ZNF607: variants seen among roughly 807,000 people sequenced by gnomAD.
ZNF607 encodes zinc finger protein 607.
Under a neutral mutation model 12.8 loss-of-function variants are expected in ZNF607, and 5 were observed. The ratio of observed to expected loss-of-function variants is 0.39; its 90% CI spans 0.20 to 0.82. The LOEUF is 0.82. Ranked by LOEUF, ZNF607 falls within the 40% of genes least tolerant of loss-of-function variation. The pLI, the probability that ZNF607 is intolerant of heterozygous loss-of-function variation, is 0.39. For synonymous variants in ZNF607, 287 were observed against 276.2 expected (o/e 1.04, Z -0.39); for missense variants, 851 against 859.2 (o/e 0.99, Z 0.12).
intron 1 of ZNF607, among the ~76,000 whole-genome samples, chr19:37,714,164 C>CA (rs947851945): frequency 6.1e-4 from 93 of 151,642 alleles, no homozygotes; most frequent in Non-Finnish European, 1.1e-3. Flanking sequence ...ACTAAAAATA[C>CA]AAAAAAAATT....
chr19:37,706,757 C>G (rs1361352708), intron 4 of ZNF607, among the ~76,000 whole-genome samples: 1 of 152,128 alleles, frequency 6.6e-6, no homozygotes, highest in Non-Finnish European at 1.5e-5. Context: ...GTATTGTGAT[C>G]TCAGCTCACT....
intron 3 of ZNF607, 30 bp from the exon 4 acceptor site, chr19:37,708,042 C>A (rs370375302): frequency 1.9e-6 from 3 of 1,561,480 alleles, no homozygotes; most frequent in Admixed American, 1.8e-5. Flanking sequence ...CCACAAAATA[C>A]GGAAATCAAC....
At chr19:37,700,443 C>T (rs1246025629) in intron 4 of ZNF607, among the ~76,000 whole-genome samples, 1 of 152,004 alleles carries the variant, frequency 6.6e-6, no homozygotes, top group Non-Finnish European at 1.5e-5. Flanking sequence ...GTAGGATACA[C>T]GGTCATGCAT....
At chr19:37,710,104 G>A (rs569361488) in intron 2 of ZNF607, among the ~76,000 whole-genome samples, 8 of 151,968 alleles carry the variant, frequency 5.3e-5, no homozygotes, top group African/African-American at 1.9e-4. Flanking sequence ...GCAGTGAGCC[G>A]AGATTGCGCC....
chr19:37,705,559 C>T (rs1212097863), intron 4 of ZNF607, among the ~76,000 whole-genome samples: 2 of 151,624 alleles, frequency 1.3e-5, no homozygotes, highest in Non-Finnish European at 2.9e-5. Context: ...ATGGTGGGCG[C>T]TTATAGTCTC....
At chr19:37,700,013 A>G (rs1031702829) in intron 4 of ZNF607, 118 bp from the exon 5 acceptor site, 37 of 997,420 alleles carry the variant, frequency 3.7e-5, no homozygotes, top group Admixed American at 6.2e-5. Flanking sequence ...TATAAAATAT[A>G]AAAAATGAAA....
At chr19:37,718,168 T>C (rs1460019175) in intron 1 of ZNF607, among the ~76,000 whole-genome samples, 1 of 152,178 alleles carries the variant, frequency 6.6e-6, no homozygotes, top group Non-Finnish European at 1.5e-5. Context: ...TTCAGGGGGT[T>C]TGTGATGTCC....
chr19:37,699,617 A>G lies in ZNF607; in HGVS notation c.514T>C (p.Cys172Arg). The G allele has an allele frequency of 6.2e-7, 1 of 1,614,102 alleles. No individual in the cohort carries two copies. The highest frequency in any genetic ancestry group is 1.1e-5 in the South Asian group (1 of 91,078). Reference sequence around the variant, plus strand: ...CTGAAGACCTTCCCACATTCTTCACATTCATAAGGTTTCTCACGAGCATTA... The same window carrying G: ...CTGAAGACCTTCCCACATTCTTCACGTTCATAAGGTTTCTCACGAGCATTA... ...KINAREKPYE[C>R]EECGKVFSYP... Residue 172 changes from cysteine to arginine, a missense_variant, in exon 5 of 5, where the codon TGT becomes CGT. Physicochemically the swap from Cys to Arg is radical, Grantham distance 180. Coordinates refer to ENST00000355202, the MANE Select transcript of ZNF607 (RefSeq NM_032689.5).
intron 2 of ZNF607, 63 bp from the exon 3 acceptor site, chr19:37,709,885 T>C: frequency 5.7e-6 from 9 of 1,577,870 alleles, no homozygotes; most frequent in Non-Finnish European, 7.8e-6. Context: ...GGCCGGGCAC[T>C]GTGGCTCACG....
In ZNF607 at chr19:37,698,221, C is replaced by T. The variant is rs1330078270; in HGVS notation, c.1910G>A (p.Ser637Asn). The T allele has an allele frequency of 1.2e-6, 2 of 1,614,058 alleles. No homozygotes were observed. The highest frequency in any genetic ancestry group is 1.3e-5 in the African/African-American group (1 of 74,928). ...ATAGGGATTTCCATCAGCATGAACG[C>T]TTTCATGTCTAACAAGATATGAGGC... is the stretch of plus-strand genomic sequence containing the variant. ...HCASYLVRHE[S>N]VHADGNPYMC... Residue 637 changes from serine (S) to asparagine (N), a missense_variant, in exon 5 of 5, where the codon AGC becomes AAC. Coordinates refer to ENST00000355202, the MANE Select transcript of ZNF607 (RefSeq NM_032689.5).
At chr19:37,706,198 G>C (rs1377198583) in intron 4 of ZNF607, among the ~76,000 whole-genome samples, 2 of 149,476 alleles carry the variant, frequency 1.3e-5, no homozygotes, top group Non-Finnish European at 3.0e-5. Context: ...TATCTCGAAA[G>C]ATGGAAAAGA....
Position 37,696,893 on chromosome 19 carries a change from C to G in ZNF607, c.*1147G>C. On this transcript the variant is annotated 3_prime_UTR_variant, in exon 5 of 5. Coordinates refer to ENST00000355202, the MANE Select transcript of ZNF607 (RefSeq NM_032689.5). ...ACTCCTTCAAGAAGGTCAGATGTGT[C>G]AAAGACACGTCGTCCAGAATGAGCC... 1.5e-6 allele frequency: 1 copy of G among 689,558 alleles called. No individual in the cohort carries two copies. Among genetic ancestry groups the G allele is most frequent in the Non-Finnish European group, 2.6e-6 (1 of 382,066 alleles). The allele number at this position is 689,558 out of a possible 1,614,324, so 42.7% of individuals were successfully genotyped here. A position where few individuals can be genotyped will look rare whatever the true frequency, so the allele number is the denominator to read the frequency against.
intron 4 of ZNF607, among the ~76,000 whole-genome samples, chr19:37,706,138 G>A (rs1424311267): frequency 6.6e-6 from 1 of 152,024 alleles, no homozygotes; most frequent in Non-Finnish European, 1.5e-5. Flanking sequence ...AGGTTGCAGT[G>A]AGCCAAAATG....
intron 4 of ZNF607, among the ~76,000 whole-genome samples, chr19:37,705,110 T>C (rs1308154684): frequency 6.6e-6 from 1 of 151,258 alleles, no homozygotes; most frequent in Non-Finnish European, 1.5e-5. Context: ...AAAAAATCAA[T>C]GAAACCAAAA....
chr19:37,710,666 G>A (rs2045125955), intron 2 of ZNF607, among the ~76,000 whole-genome samples: 1 of 152,020 alleles, frequency 6.6e-6, no homozygotes, highest in Non-Finnish European at 1.5e-5. Flanking sequence ...ACACTTCTTA[G>A]GTATCTGACC....
intron 2 of ZNF607, among the ~76,000 whole-genome samples, chr19:37,711,021 T>G (rs2045128822): frequency 6.6e-6 from 1 of 152,224 alleles, no homozygotes; most frequent in South Asian, 2.1e-4. Flanking sequence ...GCATTTTTGT[T>G]TGTTTTGACA....
chr19:37,701,618 G>A (rs137897475), intron 4 of ZNF607, among the ~76,000 whole-genome samples: 6 of 152,236 alleles, frequency 3.9e-5, no homozygotes, highest in Middle Eastern at 3.4e-3. Flanking sequence ...TTGCTCCATC[G>A]GTGAAAGCGC....
rs770019173 is a variant in ZNF607 at position 37,699,226 on chromosome 19, ATTC to A, written c.902_904del (p.Arg301del). On this transcript the variant is annotated inframe_deletion, in exon 5 of 5. Transcript: ENST00000355202. ...TTCATAGGGTTTTTCTCCAGTATGA[ATTC>A]TTTTATGACCCACAAGGTGGGAAAA... The A allele has an allele frequency of 6.2e-7, 1 of 1,614,082 alleles. No homozygotes were observed. Among genetic ancestry groups the A allele is most frequent in the Non-Finnish European group, 8.5e-7 (1 of 1,179,994 alleles).
At chr19:37,705,770 G>A (rs77025249) in intron 4 of ZNF607, among the ~76,000 whole-genome samples, 38 of 149,792 alleles carry the variant, frequency 2.5e-4, no homozygotes, top group African/African-American at 9.3e-4. Flanking sequence ...AGAAGAAATT[G>A]AAAATCTGAA....
Sources: allele counts gnomAD v4.1 joint callset (sites outside exome capture counted in the v4.1 genomes callset), GRCh38; gene constraint gnomAD v4.1.1; transcripts MANE v1.5; gene names NCBI Gene and HGNC (gene_info 2026-07-23, HGNC 2026-07-21).